Variants in RBM33 observed in about 807,000 individuals in gnomAD.
RBM33 encodes the protein RNA binding motif protein 33.
Under a neutral mutation model 132.6 loss-of-function variants are expected in RBM33, and 28 were observed. The ratio of observed to expected loss-of-function variants is 0.21; its 90% confidence interval spans 0.16 to 0.29. The LOEUF (loss-of-function observed/expected upper bound fraction) is 0.29, where lower values mean the gene tolerates loss of function less well. Among genes scored for constraint, RBM33 ranks in the 10% least tolerant of loss-of-function variants. The probability of loss-of-function intolerance (pLI) is 1.00; values close to 1 mark genes in which losing one functional copy is unlikely to be tolerated. For missense variants in RBM33, 1,291 were observed against 1,518.5 expected (o/e 0.85, Z 2.49); for synonymous variants, 634 against 593.0 (o/e 1.07, Z -1.01).
intron 5 of RBM33, among the ~76,000 whole-genome samples, chr7:155,693,079 C>CA (rs559632841): frequency 1.6e-4 from 24 of 150,586 alleles, no homozygotes; most frequent in South Asian, 1.1e-3. Context: ...GTGTAATTCT[C>CA]AAAAAAAACA....
chr7:155,764,015 G>A lies in RBM33; in HGVS notation c.3183G>A (p.Lys1061=). 6.5e-7 allele frequency: 1 copy of A among 1,538,824 alleles called. No homozygotes were observed. Among genetic ancestry groups the A allele is most frequent in the Admixed American group, 2.0e-5 (1 of 50,352 alleles). Residue 1061 remains lysine (K), a synonymous_variant, in exon 15 of 18, where the codon AAG becomes AAA. Transcript: ENST00000401878. ...GCATCCAAGGAATTCACCCGGCGAA[G>A]AAGGTACTGCTTGTTGCCTCGCACG... ...IKSIQGIHPA[K]KAIMHGRGRG...
chr7:155,777,220 G>C lies in RBM33; in HGVS notation c.*2179G>C, dbSNP rs1351449248. On this transcript the variant is annotated 3_prime_UTR_variant, in exon 18 of 18. Transcript: ENST00000401878. ...AAGGTGGACTTCATGGCCACTGGAA[G>C]GTCTGTTTTGGTGTTACCTGAGTGT... The C allele has an allele frequency of 1.3e-5, 2 of 152,556 alleles. No homozygotes were observed. The highest frequency in any genetic ancestry group is 2.4e-5 in the African/African-American group (1 of 41,412). 9.5% of individuals were successfully genotyped at this position (152,556 alleles called of 1,614,324 possible).
rs183055840 is a variant in RBM33 at position 155,749,099 on chromosome 7, G to A, written c.2979+3497G>A. 5.1e-3 allele frequency among the ~76,000 whole-genome samples: 772 copies of A among 152,086 alleles called. 3 individuals are homozygous for A. Among genetic ancestry groups the A allele is most frequent in the Non-Finnish European group, 7.5e-3 (511 of 68,006 alleles). On this transcript the variant is annotated intron_variant, in intron 14 of 17. Transcript: ENST00000401878. ...TGTTTGAATAGTTGTCTGTTCTTTG[G>A]GACCCCGAACAATCATTTCATTTTT... is the stretch of plus-strand genomic sequence containing the variant.
rs1422004659 is a variant in RBM33 at position 155,644,711 on chromosome 7, G to A, written c.-166G>A. On this transcript the variant is annotated 5_prime_UTR_variant, in exon 1 of 18. Transcript: ENST00000401878. ...GGTAGTTTGTTGTTTTCTTCCTGCG[G>A]AGGCGAAGGGCCAGCTGTGGACCGC... is the stretch of plus-strand genomic sequence containing the variant. 4 of 492,840 alleles carry A rather than the reference G, an allele frequency of 8.1e-6. No individual in the cohort carries two copies. Among genetic ancestry groups the A allele is most frequent in the Non-Finnish European group, 1.4e-5 (4 of 286,182 alleles). The allele number at this position is 492,840 out of a possible 1,614,324, so 30.5% of individuals were successfully genotyped here.
intron 1 of RBM33, among the ~76,000 whole-genome samples, chr7:155,655,479 T>C (rs1176246608): frequency 6.6e-6 from 1 of 151,670 alleles, no homozygotes; most frequent in African/African-American, 2.4e-5. Context: ...CCCGAGACTA[T>C]GTCAGAGTGT....
chr7:155,775,015 A>C lies in RBM33; in HGVS notation c.3487A>C (p.Ile1163Leu). The change falls in exon 18 of 18, where the codon ATA becomes CTA. Residue 1163 changes from isoleucine (I) to leucine (L), a missense_variant. Coordinates refer to ENST00000401878, the MANE Select transcript of RBM33 (RefSeq NM_053043.3). ...FHRHMIDLSH[I>L]NVALIVE Reference sequence around the variant, plus strand: ...CAGGCATATGATAGATTTGTCCCACATAAATGTGGCCCTGATCGTGGAGTG... The same window carrying C: ...CAGGCATATGATAGATTTGTCCCACCTAAATGTGGCCCTGATCGTGGAGTG... The C allele has an allele frequency of 6.2e-7, 1 of 1,613,896 alleles. No homozygotes were observed. Among genetic ancestry groups the C allele is most frequent in the East Asian group, 2.2e-5 (1 of 44,878 alleles).
chr7:155,747,798 G>A (rs1439261488), intron 14 of RBM33, among the ~76,000 whole-genome samples: 1 of 152,220 alleles, frequency 6.6e-6, no homozygotes, highest in African/African-American at 2.4e-5. Context: ...ACCTAGCAGG[G>A]AAGATGTCTT....
chr7:155,768,902 C>T (rs191553518), intron 16 of RBM33, among the ~76,000 whole-genome samples: 5 of 152,318 alleles, frequency 3.3e-5, no homozygotes, highest in South Asian at 2.1e-4. Context: ...TGTGAGCCAC[C>T]GCACCCGGCT....
At chr7:155,735,440 C>T (rs1297933225) in intron 9 of RBM33, among the ~76,000 whole-genome samples, 2 of 152,128 alleles carry the variant, frequency 1.3e-5, no homozygotes, top group African/African-American at 2.4e-5. Context: ...TGTTGTGGCT[C>T]ATGTCTGTAA....
chr7:155,668,203 G>T lies in RBM33; in HGVS notation c.122+2950G>T, dbSNP rs565222136. ...ACACATATTTTAAATATATGTATTA[G>T]TATACTGTCACTTACACAGTGTGGA... On this transcript the variant is annotated intron_variant, in intron 2 of 17. Coordinates refer to ENST00000401878, the MANE Select transcript of RBM33 (RefSeq NM_053043.3). Among the ~76,000 whole-genome samples the T allele has an allele frequency of 8.5e-5, 13 of 152,088 alleles. No individual in the cohort carries two copies. In the South Asian group the frequency reaches 2.7e-3, roughly 32 times the overall value.
At position 155,772,770 on chromosome 7, in the gene RBM33, C is replaced by G. The variant is rs545554836; in HGVS notation, c.3376-1789C>G. Among the ~76,000 whole-genome samples, 11 of 152,324 alleles carry G rather than the reference C, an allele frequency of 7.2e-5. No homozygotes were observed. In the South Asian group the frequency reaches 2.3e-3, roughly 32 times the overall value. ...GCCTGTCTCAGTGATGTCCCTAGAC[C>G]AGGGCCGATGCTTCTGGGGTAGCCT... is the stretch of plus-strand genomic sequence containing the variant. On this transcript the variant is annotated intron_variant, in intron 16 of 17. Transcript: ENST00000401878.
chr7:155,699,371 G>C (rs1799893232), intron 5 of RBM33, among the ~76,000 whole-genome samples: 1 of 152,166 alleles, frequency 6.6e-6, no homozygotes, highest in Non-Finnish European at 1.5e-5. Flanking sequence ...ACTGATGACT[G>C]GGCATTGAAT....
intron 9 of RBM33, among the ~76,000 whole-genome samples, chr7:155,728,444 C>G (rs1368033107): frequency 6.6e-6 from 1 of 152,172 alleles, no homozygotes; most frequent in Non-Finnish European, 1.5e-5. Flanking sequence ...GCAAATCCTT[C>G]TTTCTCCGTT....
intron 9 of RBM33, among the ~76,000 whole-genome samples, chr7:155,727,940 G>C (rs1270471379): frequency 6.7e-6 from 1 of 148,542 alleles, no homozygotes; most frequent in African/African-American, 2.5e-5. Context: ...ATTTTTTTTT[G>C]TACTTTTTTT....
chr7:155,689,063 G>A (rs965668427), intron 5 of RBM33, among the ~76,000 whole-genome samples: 2 of 152,144 alleles, frequency 1.3e-5, no homozygotes, highest in African/African-American at 4.8e-5. Flanking sequence ...GCTCCTCCTT[G>A]TACCTCTGGT....
intron 1 of RBM33, among the ~76,000 whole-genome samples, chr7:155,664,873 C>G (rs978605681): frequency 6.6e-6 from 1 of 151,078 alleles, no homozygotes; most frequent in Non-Finnish European, 1.5e-5. Flanking sequence ...TAAAAAAACA[C>G]TCAAAACCCA....
intron 7 of RBM33, among the ~76,000 whole-genome samples, chr7:155,708,348 C>T (rs1402453107): frequency 6.6e-6 from 1 of 152,192 alleles, no homozygotes; most frequent in Non-Finnish European, 1.5e-5. Context: ...CCCTTCGTTG[C>T]TCCCTGTCTC....
intron 14 of RBM33, among the ~76,000 whole-genome samples, chr7:155,761,215 ATAT>A (rs1321287481): frequency 6.6e-6 from 1 of 152,082 alleles, no homozygotes; most frequent in African/African-American, 2.4e-5. Flanking sequence ...TAGTCTGCTA[ATAT>A]TCTGTTGGGG....
At chr7:155,733,631 G>T (rs1209004225) in intron 9 of RBM33, among the ~76,000 whole-genome samples, 1 of 152,188 alleles carries the variant, frequency 6.6e-6, no homozygotes, top group Non-Finnish European at 1.5e-5. Flanking sequence ...TAAGGTGGCT[G>T]CTTAGAAAGC....
Sources: allele counts gnomAD v4.1 joint callset (sites outside exome capture counted in the v4.1 genomes callset), GRCh38; gene constraint gnomAD v4.1.1; transcripts MANE v1.5; gene names NCBI Gene and HGNC (gene_info 2026-07-23, HGNC 2026-07-21).